The following ADGRB3 variants were observed in gnomAD, a reference collection of about 807,000 sequenced individuals.
The protein encoded by ADGRB3 is adhesion G protein-coupled receptor B3.
In ADGRB3, 37 loss-of-function variants were observed where a neutral mutation model predicts 193.4. That is an observed-to-expected ratio of 0.19 (90% CI 0.15 to 0.25). The LOEUF (loss-of-function observed/expected upper bound fraction) is 0.25, where lower values mean the gene tolerates loss of function less well. Ranked by LOEUF, ADGRB3 falls within the 10% of genes least tolerant of loss-of-function variation. The pLI is 1.00. For missense variants in ADGRB3, 1,637 were observed against 1,852.9 expected (o/e 0.88, Z 2.14); for synonymous variants, 690 against 644.2 (o/e 1.07, Z -1.08).
At position 69,003,119 on chromosome 6, in the gene ADGRB3, G is replaced by T. The variant is rs1769631240; in HGVS notation, c.1929+9157G>T. On this transcript the variant is annotated intron_variant, in intron 11 of 31. Transcript: ENST00000370598. The stretch of plus-strand genomic sequence containing the variant: ...TTCATGTGAGGGTTAAACTTTCTAT[G>T]TCAAGTACTTACTCAGTACCTGACA... Among the ~76,000 whole-genome samples the T allele has an allele frequency of 1.3e-5, 2 of 152,146 alleles. 1 individual carries two copies. Among genetic ancestry groups the T allele is most frequent in the South Asian group, 4.1e-4 (2 of 4,832 alleles).
chr6:69,367,490 G>A (rs528549021), intron 29 of ADGRB3, among the ~76,000 whole-genome samples: 1 of 152,004 alleles, frequency 6.6e-6, no homozygotes, highest in Non-Finnish European at 1.5e-5. Flanking sequence ...CAGTGTAAAA[G>A]TGTTCCTATT....
intron 3 of ADGRB3, among the ~76,000 whole-genome samples, chr6:68,706,140 G>C (rs958444395): frequency 7.2e-5 from 11 of 152,120 alleles, no homozygotes; most frequent in African/African-American, 2.7e-4. Flanking sequence ...GAGGAGGCTT[G>C]AGTAGAGTTT....
rs191966325 is a variant in ADGRB3 at position 69,181,841 on chromosome 6, C to G, written c.2481-51449C>G. On this transcript the variant is annotated intron_variant, in intron 17 of 31. Transcript: ENST00000370598. The stretch of plus-strand genomic sequence containing the variant: ...CCTTATTTCATTTTTTTACTATAAT[C>G]ATTTAGTCAACTAGATTTTTTATAA... Among the ~76,000 whole-genome samples, 5 of 152,182 alleles carry G rather than the reference C, an allele frequency of 3.3e-5. No homozygotes were observed. The East Asian group carries it at 9.6e-4, about 29-fold the overall frequency.
At chr6:69,105,100 T>C (rs1034188397) in intron 17 of ADGRB3, among the ~76,000 whole-genome samples, 4 of 152,232 alleles carry the variant, frequency 2.6e-5, no homozygotes, top group African/African-American at 9.6e-5. Flanking sequence ...TAGATACAAC[T>C]TGTGCTCCAC....
intron 3 of ADGRB3, among the ~76,000 whole-genome samples, chr6:68,901,442 C>T (rs1653763800): frequency 6.6e-6 from 1 of 152,200 alleles, no homozygotes; most frequent in Admixed American, 6.5e-5. Context: ...ATCATCATTA[C>T]CTCTGCAATA....
intron 20 of ADGRB3, among the ~76,000 whole-genome samples, chr6:69,250,382 A>G (rs533512976): frequency 8.5e-5 from 13 of 152,266 alleles, no homozygotes; most frequent in Non-Finnish European, 1.8e-4. Flanking sequence ...AATTTGTTAT[A>G]TATTTTCAAA....
intron 17 of ADGRB3, among the ~76,000 whole-genome samples, chr6:69,215,453 C>T (rs894610649): frequency 1.4e-5 from 2 of 146,612 alleles, no homozygotes; most frequent in Non-Finnish European, 3.0e-5. Flanking sequence ...TGAACAGAAA[C>T]GTGTGTGTGT....
At position 69,346,149 on chromosome 6, in the gene ADGRB3, T is replaced by C. The variant is rs572630726; in HGVS notation, c.3459+6645T>C. ...TGCTCATGGATAGGAAGAATCAATA[T>C]CATGAAAACTACCCGAAGTAATTTA... On this transcript the variant is annotated intron_variant, in intron 26 of 31. Coordinates refer to ENST00000370598, the MANE Select transcript of ADGRB3 (RefSeq NM_001704.3). Among the ~76,000 whole-genome samples the C allele has an allele frequency of 2.0e-5, 3 of 152,244 alleles. No individual in the cohort carries two copies. In the South Asian group the frequency reaches 6.2e-4, roughly 32 times the overall value.
intron 3 of ADGRB3, among the ~76,000 whole-genome samples, chr6:68,645,576 A>G (rs1172736357): frequency 6.6e-6 from 1 of 152,216 alleles, no homozygotes; most frequent in Non-Finnish European, 1.5e-5. Context: ...ACTAATTAAT[A>G]AACTGAGAAT....
chr6:68,805,720 C>T (rs966285266), intron 3 of ADGRB3, among the ~76,000 whole-genome samples: 1 of 152,088 alleles, frequency 6.6e-6, no homozygotes, highest in Non-Finnish European at 1.5e-5. Context: ...TGCTAATATC[C>T]CAGAGCCTAC....
At chr6:69,070,241 T>C (rs914002271) in intron 16 of ADGRB3, among the ~76,000 whole-genome samples, 2 of 152,170 alleles carry the variant, frequency 1.3e-5, no homozygotes, top group Non-Finnish European at 2.9e-5. Flanking sequence ...GTTTGAAGAT[T>C]AGTAGTTTAT....
At chr6:68,980,621 T>C (rs1029489688) in intron 10 of ADGRB3, among the ~76,000 whole-genome samples, 1 of 151,496 alleles carries the variant, frequency 6.6e-6, no homozygotes, top group Admixed American at 6.6e-5. Flanking sequence ...AAATATGTAT[T>C]GAGCTAAAAA....
intron 8 of ADGRB3, among the ~76,000 whole-genome samples, chr6:68,958,872 TGTGTGTGTG>T: frequency 3.5e-5 from 1 of 28,902 alleles, no homozygotes; most frequent in African/African-American, 1.3e-4. Context: ...AGAAAAATAG[TGTGTGTGTG>T]TGTGTGTGTG....
At position 69,018,376 on chromosome 6, in the gene ADGRB3, T is replaced by G; in HGVS notation, c.1999-15T>G. ...TAGATTTTTTATTCCTTCTAACCTT[T>G]GCTTATTTTTCTAGATTTATCCAGG... On this transcript the variant is annotated splice_polypyrimidine_tract_variant and intron_variant, in intron 12 of 31. Coordinates refer to ENST00000370598, the MANE Select transcript of ADGRB3 (RefSeq NM_001704.3). 6.5e-7 allele frequency: 1 copy of G among 1,527,256 alleles called. No individual in the cohort carries two copies. The highest frequency in any genetic ancestry group is 9.0e-7 in the Non-Finnish European group (1 of 1,111,028). 94.6% of individuals were successfully genotyped at this position (1,527,256 alleles called of 1,614,324 possible).
chr6:69,137,399 G>C (rs1186564268), intron 17 of ADGRB3, among the ~76,000 whole-genome samples: 1 of 151,716 alleles, frequency 6.6e-6, no homozygotes, highest in Non-Finnish European at 1.5e-5. Context: ...GGATGGACCA[G>C]CTGATGCTGT....
chr6:69,345,723 C>T (rs1769070292), intron 26 of ADGRB3, among the ~76,000 whole-genome samples: 1 of 152,090 alleles, frequency 6.6e-6, no homozygotes, highest in Non-Finnish European at 1.5e-5. Flanking sequence ...CTCACCACTC[C>T]TATTCAACAT....
chr6:69,039,655 A>G (rs1210942598), intron 13 of ADGRB3, among the ~76,000 whole-genome samples: 3 of 152,308 alleles, frequency 2.0e-5, no homozygotes, highest in South Asian at 2.1e-4. Context: ...TTAGCATGCC[A>G]TAGTAAACTA....
intron 15 of ADGRB3, 27 bp from the exon 16 acceptor site, chr6:69,062,907 C>CT: frequency 6.5e-7 from 1 of 1,531,640 alleles, no homozygotes; most frequent in Non-Finnish European, 9.0e-7. Context: ...CTCATTTCTC[C>CT]TTTTAATTAT....
chr6:69,219,411 A>G (rs995283326), intron 17 of ADGRB3, among the ~76,000 whole-genome samples: 1 of 146,432 alleles, frequency 6.8e-6, no homozygotes, highest in African/African-American at 2.5e-5. Context: ...AAACCAATCA[A>G]CTAAATATGC....
Sources: gnomAD v4.1 joint callset for allele counts (sites outside exome capture counted in the v4.1 genomes callset) on GRCh38, gnomAD v4.1.1 for gene constraint, MANE v1.5 for transcripts, NCBI Gene and HGNC (gene_info 2026-07-23, HGNC 2026-07-21) for gene names.